Variants in ABHD1 observed in about 807,000 individuals in gnomAD.
The protein encoded by ABHD1 is protein ABHD1.
A neutral mutation model predicts 41.4 loss-of-function variants in ABHD1; 47 were observed. The ratio of observed to expected loss-of-function variants is 1.13; its 90% CI spans 0.90 to 1.45. The LOEUF is 1.45. Among genes scored for constraint, ABHD1 ranks in the 40% most tolerant of loss-of-function variants. The pLI is 0.00. For synonymous variants in ABHD1, 205 were observed against 203.7 expected (o/e 1.01, Z -0.05); for missense variants, 550 against 503.4 (o/e 1.09, Z -0.89).
chr2:27,126,794 G>A (rs57875853), intron 1 of ABHD1: 2,134 of 152,238 alleles, frequency 0.014, 54 homozygotes, highest in African/African-American at 0.048. Flanking sequence ...GAGAAGATAA[G>A]GTCCCCGGTA....
At chr2:27,126,551 C>G (rs1016101207) in intron 1 of ABHD1, 5 of 152,268 alleles carry the variant, frequency 3.3e-5, no homozygotes, top group Non-Finnish European at 5.9e-5. Context: ...CTATGGCATA[C>G]TCCTCCTTCA....
intron 1 of ABHD1, among the ~76,000 whole-genome samples, chr2:27,127,970 T>C (rs1040719306): frequency 1.3e-5 from 2 of 152,070 alleles, no homozygotes; most frequent in Non-Finnish European, 2.9e-5. Flanking sequence ...GGGCACTTAT[T>C]GACAGGGTCT....
chr2:27,126,190 A>G (rs1022592369), intron 1 of ABHD1: 1 of 152,260 alleles, frequency 6.6e-6, no homozygotes, highest in African/African-American at 2.4e-5. Context: ...ATGAGAACTC[A>G]ACAAATCTTA....
intron 1 of ABHD1, among the ~76,000 whole-genome samples, chr2:27,127,995 C>A (rs1672042999): frequency 6.6e-6 from 1 of 152,088 alleles, no homozygotes. Context: ...GTCGCCCAGG[C>A]TAGAGTACAG....
At chr2:27,128,213 A>G (rs1342923883) in intron 1 of ABHD1, among the ~76,000 whole-genome samples, 1 of 152,142 alleles carries the variant, frequency 6.6e-6, no homozygotes. Flanking sequence ...GTTCAGGGTC[A>G]ATTCTGGGCA....
chr2:27,129,502 G>A lies in ABHD1; in HGVS notation c.505-12G>A, dbSNP rs374403531. On this transcript the variant is annotated splice_polypyrimidine_tract_variant and intron_variant, in intron 4 of 8. Transcript: ENST00000316470. ...GTCTCCCTCCCTACCCAATGATCTGGTTTGCCCTCAGACCCACAGGGCTTT... is the reference window on the plus strand; with the variant it reads ...GTCTCCCTCCCTACCCAATGATCTGATTTGCCCTCAGACCCACAGGGCTTT... 1.9e-6 allele frequency: 3 copies of A among 1,613,774 alleles called. No homozygotes were observed. The African/African-American group carries it at 4.0e-5, about 22-fold the overall frequency.
At position 27,123,885 on chromosome 2, in the gene ABHD1, G is replaced by C; in HGVS notation, c.-64G>C. ...CCTATGGCGGGCGGCGGGTGGGACC[G>C]CGAGTTACAGCCGGCCAACTGGGGC... On this transcript the variant is annotated 5_prime_UTR_variant, in exon 1 of 9. Transcript: ENST00000316470. 3 of 1,395,908 alleles carry C rather than the reference G, an allele frequency of 2.1e-6. No individual in the cohort carries two copies. Among genetic ancestry groups the C allele is most frequent in the Non-Finnish European group, 3.0e-6 (3 of 1,010,898 alleles). The allele number at this position is 1,395,908 out of a possible 1,614,324, so 86.5% of individuals were successfully genotyped here.
chr2:27,128,296 C>G, intron 1 of ABHD1, 145 bp from the exon 2 acceptor site: 2 of 955,118 alleles, frequency 2.1e-6, no homozygotes, highest in Non-Finnish European at 3.3e-6. Context: ...TTCAACTGAG[C>G]TGTGCTGAGT....
Position 27,123,995 on chromosome 2 carries a change from CCTT to C in ABHD1, c.50_52del (p.Phe17del), listed in dbSNP as rs1558471216. The C allele has an allele frequency of 2.5e-6, 4 of 1,614,256 alleles. No individual in the cohort carries two copies. Among genetic ancestry groups the C allele is most frequent in the Admixed American group, 1.7e-5 (1 of 60,034 alleles). ...CCCCAGAATGGCACCTGGGCAGACA[CCTT>C]CTCTCTGCTCTTGGCTCTTGCCGTT... On this transcript the variant is annotated inframe_deletion, in exon 1 of 9. Transcript: ENST00000316470.
intron 1 of ABHD1, among the ~76,000 whole-genome samples, chr2:27,127,262 T>TA (rs1337622411): frequency 1.1e-4 from 16 of 140,576 alleles, no homozygotes; most frequent in East Asian, 2.3e-4. Flanking sequence ...TTTTTTTTTT[T>TA]AAGACGGTGT....
rs767459354 is a variant in ABHD1, at chr2:27,129,951, A to T, written c.791+24A>T. 2.5e-6 allele frequency: 4 copies of T among 1,613,600 alleles called. No individual in the cohort carries two copies. In the East Asian group the frequency reaches 8.9e-5, roughly 36 times the overall value. On this transcript the variant is annotated intron_variant, in intron 6 of 8. Transcript: ENST00000316470. Reference sequence around the variant, plus strand: ...CGGTAGGGTCGTGGCAAGTGGGAGGAGGCAGTAGACAGAGTAGGATGGCAG... The same window carrying T: ...CGGTAGGGTCGTGGCAAGTGGGAGGTGGCAGTAGACAGAGTAGGATGGCAG...
rs1204126874 is a variant in ABHD1, at chr2:27,128,567, C to T, written c.241C>T (p.Leu81Phe). Residue 81 changes from leucine to phenylalanine, a missense_variant, in exon 2 of 9, where the codon CTC becomes TTC. Transcript: ENST00000316470. ...GCGACTACAAAGCATCTTCCAAGTC[C>T]TCCTGCAGTCTCAGCCCCTAGTCCT... ...EGRLQSIFQV[L>F]LQSQPLVLYQ... 6.2e-7 allele frequency: 1 copy of T among 1,614,088 alleles called. No individual in the cohort carries two copies. The highest frequency in any genetic ancestry group is 1.3e-5 in the African/African-American group (1 of 74,974).
At chr2:27,128,377 T>C (rs1162359520) in intron 1 of ABHD1, 64 bp from the exon 2 acceptor site, 1 of 1,605,602 alleles carries the variant, frequency 6.2e-7, no homozygotes, top group Non-Finnish European at 8.5e-7. Context: ...CCCTCTGGTG[T>C]TGGGTGCCTC....
chr2:27,125,330 C>T (rs6741646), intron 1 of ABHD1: 50,369 of 151,934 alleles, frequency 0.33, 9,020 homozygotes, highest in Admixed American at 0.5. Context: ...AGACTAAACC[C>T]TTTATAAGCT....
chr2:27,124,168 C>A, intron 1 of ABHD1, 106 bp downstream of exon 1: 1 of 1,050,700 alleles, frequency 9.5e-7, no homozygotes. Flanking sequence ...GGCTTCCCCA[C>A]AGGTGAAATT....
At position 27,130,167 on chromosome 2, in the gene ABHD1, C is replaced by T. The variant is rs772252731; in HGVS notation, c.840+14C>T. Reference sequence around the variant, plus strand: ...TTTGTACTACAGGTATAATATTCAGCCATGCCCCTGGTTCCCCCAAATGAG... The same window carrying T: ...TTTGTACTACAGGTATAATATTCAGTCATGCCCCTGGTTCCCCCAAATGAG... On this transcript the variant is annotated intron_variant, in intron 7 of 8. Coordinates refer to ENST00000316470, the MANE Select transcript of ABHD1 (RefSeq NM_032604.4). 6.2e-7 allele frequency: 1 copy of T among 1,614,002 alleles called. No homozygotes were observed. The highest frequency in any genetic ancestry group is 2.2e-5 in the East Asian group (1 of 44,900).
chr2:27,123,815 A>C lies in ABHD1; in HGVS notation c.-134A>C. 1.4e-6 allele frequency: 1 copy of C among 697,352 alleles called. No homozygotes were observed. Among genetic ancestry groups the C allele is most frequent in the South Asian group, 1.8e-5 (1 of 55,382 alleles). 43.2% of individuals were successfully genotyped at this position (697,352 alleles called of 1,614,324 possible). On this transcript the variant is annotated 5_prime_UTR_variant, in exon 1 of 9. Coordinates refer to ENST00000316470, the MANE Select transcript of ABHD1 (RefSeq NM_032604.4). ...CGGGGCACCGGCGGTGGGCGGGGCC[A>C]GCAGCGCAAACTGCCTGCAGCGGGG...
In ABHD1 at chr2:27,130,610, C is replaced by CCT. The variant is rs1388491410; in HGVS notation, c.1084_1085insCT (p.Leu362ProfsTer13). The CCT allele has an allele frequency of 6.2e-7, 1 of 1,614,202 alleles. No homozygotes were observed. The highest frequency in any genetic ancestry group is 2.2e-5 in the East Asian group (1 of 44,880). The stretch of plus-strand genomic sequence containing the variant: ...AGCCCGGGGTGGCCACATCGGCTTC[C>CCT]TGGAAGGGCTGCTCCCGTGGCAGCA... On this transcript the variant is annotated frameshift_variant, in exon 9 of 9. Coordinates refer to ENST00000316470, the MANE Select transcript of ABHD1 (RefSeq NM_032604.4). LOFTEE classifies it low-confidence loss of function (END_TRUNC).
chr2:27,128,716 C>A, intron 2 of ABHD1, 115 bp downstream of exon 2: 3 of 1,417,444 alleles, frequency 2.1e-6, no homozygotes, highest in Non-Finnish European at 2.9e-6. Context: ...GTTGAGGGTT[C>A]AATGACAATG....
Sources: gnomAD v4.1 joint callset for allele counts (sites outside exome capture counted in the v4.1 genomes callset) on GRCh38, gnomAD v4.1.1 for gene constraint, MANE v1.5 for transcripts, NCBI Gene and HGNC (gene_info 2026-07-23, HGNC 2026-07-21) for gene names.